The following ZNF654 variants were observed in gnomAD, a reference collection of about 807,000 sequenced individuals.
ZNF654 encodes the protein melanoma-associated antigen.
In ZNF654, 19 loss-of-function variants were observed where a neutral mutation model predicts 95.3. That is an observed-to-expected ratio of 0.20 (90% CI 0.14 to 0.29). The LOEUF is 0.29. Ranked by LOEUF, ZNF654 falls within the 10% of genes least tolerant of loss-of-function variation. The probability of loss-of-function intolerance (pLI) is 1.00; values close to 1 mark genes in which losing one functional copy is unlikely to be tolerated. For missense variants in ZNF654, 1,046 were observed against 1,341.0 expected (o/e 0.78, Z 3.44); for synonymous variants, 413 against 457.9 (o/e 0.90, Z 1.25).
rs1338465918 is a variant in ZNF654 at position 88,137,892 on chromosome 3, G to GATAT, written c.1036-807_1036-804dup. ...ATACTATACCATATGTAGGCAGTAT[G>GATAT]ATATATATACATATATATGATGTTA... On this transcript the variant is annotated intron_variant, in intron 7 of 8. Transcript: ENST00000636215. Among the ~76,000 whole-genome samples the GATAT allele has an allele frequency of 5.7e-3, 858 of 151,812 alleles. 5 individuals are homozygous for GATAT. The highest frequency in any genetic ancestry group is 0.02 in the African/African-American group (828 of 41,376).
At chr3:88,095,728 C>A in intron 2 of ZNF654, 2 of 391,716 alleles carry the variant, frequency 5.1e-6, no homozygotes, top group South Asian at 2.0e-5. Context: ...TTTGACTTCT[C>A]CCCAGGCTTG....
chr3:88,140,138 C>G lies in ZNF654; in HGVS notation c.2469C>G (p.Asn823Lys), dbSNP rs746078281. 1 of 1,613,812 alleles carries G rather than the reference C, an allele frequency of 6.2e-7. No individual in the cohort carries two copies. Among genetic ancestry groups the G allele is most frequent in the Non-Finnish European group, 8.5e-7 (1 of 1,179,774 alleles). Residue 823 changes from asparagine to lysine, a missense_variant, in exon 8 of 9, where the codon AAC (asparagine) becomes AAG (lysine). Physicochemically the swap from Asn to Lys is moderately conservative, Grantham distance 94. Coordinates refer to ENST00000636215, the MANE Select transcript of ZNF654 (RefSeq NM_001350134.2). ...NVYFCLHFNC[N>K]ESFKLPFQLA... ...ATTTTTGTTTGCATTTTAATTGCAA[C>G]GAGTCGTTTAAGCTGCCGTTCCAGC...
At chr3:88,062,835 C>A (rs1308357831) in intron 1 of ZNF654, among the ~76,000 whole-genome samples, 2 of 152,228 alleles carry the variant, frequency 1.3e-5, no homozygotes, top group East Asian at 3.9e-4. Context: ...GTACGTAGCA[C>A]ACAGATAGAC....
intron 1 of ZNF654, among the ~76,000 whole-genome samples, chr3:88,081,551 T>C (rs943841035): frequency 5.9e-5 from 9 of 152,234 alleles, no homozygotes; most frequent in African/African-American, 1.7e-4. Context: ...TATTTAATTA[T>C]TTGTATCAGT....
intron 2 of ZNF654, among the ~76,000 whole-genome samples, chr3:88,108,374 C>T (rs999916484): frequency 2.6e-5 from 4 of 151,924 alleles, no homozygotes; most frequent in South Asian, 2.1e-4. Context: ...TTAAAGGTAC[C>T]TAGTGACTCA....
At chr3:88,111,494 A>AT (rs1010408568) in intron 2 of ZNF654, among the ~76,000 whole-genome samples, 9 of 151,914 alleles carry the variant, frequency 5.9e-5, no homozygotes, top group African/African-American at 2.2e-4. Flanking sequence ...ATATCTTGGA[A>AT]TTTTTTAATT....
intron 2 of ZNF654, among the ~76,000 whole-genome samples, chr3:88,097,769 G>T (rs1704151083): frequency 6.6e-6 from 1 of 152,254 alleles, no homozygotes; most frequent in East Asian, 1.9e-4. Flanking sequence ...AAATAAAGAT[G>T]TTCTTTGAAA....
At chr3:88,135,721 C>A (rs772421423) in intron 7 of ZNF654, among the ~76,000 whole-genome samples, 8 of 151,980 alleles carry the variant, frequency 5.3e-5, no homozygotes, top group Non-Finnish European at 1.0e-4. Flanking sequence ...TTTACTTGGG[C>A]CACTTGCAAG....
intron 2 of ZNF654, among the ~76,000 whole-genome samples, chr3:88,112,656 T>C (rs1487935483): frequency 2.0e-5 from 3 of 152,040 alleles, no homozygotes; most frequent in African/African-American, 7.2e-5. Context: ...CCGAGAGTTT[T>C]ATGGTGATTT....
Position 88,140,736 on chromosome 3 carries a change from G to C in ZNF654, c.3067G>C (p.Val1023Leu). The C allele has an allele frequency of 6.2e-7, 1 of 1,613,720 alleles. No individual in the cohort carries two copies. Among genetic ancestry groups the C allele is most frequent in the East Asian group, 2.2e-5 (1 of 44,870 alleles). ...ACCACAAGAACACAACACCTTGCCA[G>C]TATCTCAGGCACCTTCCAAACCAAA... ...VVPQEHNTLPVSQAPSKPNLT... is the reference protein window; with the variant it reads ...VVPQEHNTLPLSQAPSKPNLT... The change falls in exon 8 of 9, where the codon GTA becomes CTA. Residue 1023 changes from valine (V) to leucine (L), a missense_variant. Val to Leu is a conservative substitution (Grantham distance 32). Around this residue, in one of 9 missense-constraint regions of ZNF654, gnomAD observed 495 missense variants for 537.0 expected, o/e 0.92. Transcript: ENST00000636215.
In ZNF654 at chr3:88,143,580, C is replaced by T. The variant is rs1707225668; in HGVS notation, c.*1928C>T. On this transcript the variant is annotated 3_prime_UTR_variant, in exon 9 of 9. Coordinates refer to ENST00000636215, the MANE Select transcript of ZNF654 (RefSeq NM_001350134.2). ...ATTTTCCAGAAGTTTAATATTTTAT[C>T]ACATTTTCCACAAGTTGTAACAATT... 6.6e-6 allele frequency: 1 copy of T among 152,216 alleles called. No homozygotes were observed. The allele number at this position is 152,216 out of a possible 1,614,324, so 9.4% of individuals were successfully genotyped here.
intron 1 of ZNF654, among the ~76,000 whole-genome samples, chr3:88,084,952 G>C (rs554040338): frequency 4.6e-4 from 70 of 152,298 alleles, no homozygotes; most frequent in African/African-American, 1.7e-3. Flanking sequence ...CTCTGCCCTA[G>C]AGGGAGAAAA....
intron 2 of ZNF654, among the ~76,000 whole-genome samples, chr3:88,108,183 A>G (rs1470349976): frequency 6.6e-6 from 1 of 151,510 alleles, no homozygotes; most frequent in Non-Finnish European, 1.5e-5. Context: ...CACGACCTAC[A>G]TGAGAAGATT....
intron 2 of ZNF654, 23 bp downstream of exon 2, chr3:88,086,425 A>C: frequency 6.9e-7 from 1 of 1,456,806 alleles, no homozygotes; most frequent in Non-Finnish European, 9.1e-7. Flanking sequence ...TACTTCTTAT[A>C]AATGCATTAT....
At position 88,140,855 on chromosome 3, in the gene ZNF654, T is replaced by A. The variant is rs1707083559; in HGVS notation, c.3186T>A (p.Ser1062Arg). The A allele has an allele frequency of 6.2e-7, 1 of 1,613,502 alleles. No homozygotes were observed. Among genetic ancestry groups the A allele is most frequent in the Non-Finnish European group, 8.5e-7 (1 of 1,179,680 alleles). Residue 1062 changes from serine (S) to arginine (R), a missense_variant, in exon 8 of 9, where the codon AGT becomes AGA. Coordinates refer to ENST00000636215, the MANE Select transcript of ZNF654 (RefSeq NM_001350134.2). ...GTTACCTTGATGAACGGTATCTTAG[T>A]ATGCCAAAACGCAGAAAATTTCTGA... ...PPSYLDERYL[S>R]MPKRRKFLTD...
intron 2 of ZNF654, among the ~76,000 whole-genome samples, chr3:88,101,292 C>T (rs557900109): frequency 1.1e-4 from 17 of 152,194 alleles, no homozygotes; most frequent in African/African-American, 3.4e-4. Context: ...CAGTGCCTAC[C>T]CAGCTCAAGG....
chr3:88,073,906 A>G (rs1707651292), intron 1 of ZNF654, among the ~76,000 whole-genome samples: 1 of 152,208 alleles, frequency 6.6e-6, no homozygotes, highest in African/African-American at 2.4e-5. Flanking sequence ...TTCTCCTTTT[A>G]GTAATGTCTC....
At chr3:88,137,156 T>A (rs1171200913) in intron 7 of ZNF654, among the ~76,000 whole-genome samples, 4 of 140,692 alleles carry the variant, frequency 2.8e-5, no homozygotes, top group Non-Finnish European at 4.5e-5. Context: ...GATCATGCCA[T>A]TCTACTCCAG....
intron 1 of ZNF654, among the ~76,000 whole-genome samples, chr3:88,075,668 G>T (rs1048644168): frequency 6.6e-6 from 1 of 152,162 alleles, no homozygotes; most frequent in African/African-American, 2.4e-5. Flanking sequence ...TTCAGCAATA[G>T]TAGGATATGT....
Sources: allele counts gnomAD v4.1 joint callset (sites outside exome capture counted in the v4.1 genomes callset), GRCh38; gene constraint gnomAD v4.1.1; regional missense constraint gnomAD v4.1.1; transcripts MANE v1.5; gene names NCBI Gene and HGNC (gene_info 2026-07-23, HGNC 2026-07-21).